The following RORA variants were observed in gnomAD, a reference collection of about 807,000 sequenced individuals.
The protein encoded by RORA is RAR related orphan receptor A.
RORA carries 7 observed loss-of-function variants against 69.5 expected under a neutral mutation model. That is an observed-to-expected ratio of 0.10 (90% CI 0.06 to 0.19). The LOEUF is 0.19. RORA is among the 10% of genes least tolerant of loss of function. RORA has a pLI of 1.00. For missense variants in RORA, 457 were observed against 663.0 expected (o/e 0.69, Z 3.41); for synonymous variants, 261 against 240.8 (o/e 1.08, Z -0.78).
chr15:60,951,985 C>A (rs1191931482), intron 1 of RORA, among the ~76,000 whole-genome samples: 3 of 147,542 alleles, frequency 2.0e-5, no homozygotes, highest in South Asian at 2.2e-4. Flanking sequence ...GAGACACAAC[C>A]AAAAAAGAGA....
intron 1 of RORA, among the ~76,000 whole-genome samples, chr15:60,816,108 A>G (rs1319245462): frequency 1.5e-5 from 2 of 134,790 alleles, no homozygotes; most frequent in African/African-American, 2.8e-5. Context: ...ATATGTATTT[A>G]TATACTGTAA....
chr15:60,618,978 C>A (rs552850857), intron 2 of RORA, among the ~76,000 whole-genome samples: 1 of 152,206 alleles, frequency 6.6e-6, no homozygotes, highest in Non-Finnish European at 1.5e-5. Context: ...TGTTCAAATG[C>A]AAACTTGACA....
At chr15:60,593,674 C>G (rs1371774585) in intron 2 of RORA, among the ~76,000 whole-genome samples, 2 of 152,194 alleles carry the variant, frequency 1.3e-5, no homozygotes, top group South Asian at 2.1e-4. Flanking sequence ...GAAAAAAATT[C>G]TGAAAAGCCA....
intron 1 of RORA, among the ~76,000 whole-genome samples, chr15:60,952,611 C>A (rs1011096697): frequency 7.2e-5 from 11 of 152,238 alleles, no homozygotes; most frequent in African/African-American, 1.9e-4. Flanking sequence ...TACAAAATCA[C>A]TGTACAAAAA....
At chr15:61,145,706 G>A (rs903629587) in intron 1 of RORA, among the ~76,000 whole-genome samples, 1 of 152,140 alleles carries the variant, frequency 6.6e-6, no homozygotes. Context: ...TTTCCTAAAA[G>A]AGAATTCAAA....
At chr15:60,981,346 A>AT (rs899943786) in intron 1 of RORA, among the ~76,000 whole-genome samples, 11 of 152,170 alleles carry the variant, frequency 7.2e-5, no homozygotes, top group Admixed American at 5.2e-4. Flanking sequence ...ATAGATTGAT[A>AT]TTTTTTATCA....
At position 60,754,555 on chromosome 15, in the gene RORA, T is replaced by G. The variant is rs185195350; in HGVS notation, c.167-75869A>C. Among the ~76,000 whole-genome samples, 13 of 152,294 alleles carry G rather than the reference T, an allele frequency of 8.5e-5. No homozygotes were observed. In the East Asian group the frequency reaches 2.5e-3, roughly 29 times the overall value. On this transcript the variant is annotated intron_variant, in intron 1 of 10. Coordinates refer to ENST00000335670, the MANE Select transcript of RORA (RefSeq NM_134261.3). The stretch of plus-strand genomic sequence containing the variant: ...TTAATTCCTTCCTAGTTCTTCTACC[T>G]GAAATGCTTGACCCCCAACTTTGAC...
At chr15:60,943,365 A>G (rs1313572241) in intron 1 of RORA, among the ~76,000 whole-genome samples, 1 of 151,532 alleles carries the variant, frequency 6.6e-6, no homozygotes, top group East Asian at 1.9e-4. Flanking sequence ...ATTCTATTCA[A>G]TCTTGTTCTG....
At chr15:61,110,269 A>ACTC (rs2078992000) in intron 1 of RORA, among the ~76,000 whole-genome samples, 1 of 152,018 alleles carries the variant, frequency 6.6e-6, no homozygotes, top group Non-Finnish European at 1.5e-5. Flanking sequence ...GGTGGTGCAC[A>ACTC]CCTGTAGTCC....
At chr15:60,672,817 C>T (rs548997294) in intron 2 of RORA, among the ~76,000 whole-genome samples, 3 of 152,338 alleles carry the variant, frequency 2.0e-5, no homozygotes, top group African/African-American at 7.2e-5. Context: ...AGGTGGTGTT[C>T]CTGCTATTGC....
intron 2 of RORA, among the ~76,000 whole-genome samples, chr15:60,633,238 C>T (rs772486671): frequency 1.3e-5 from 2 of 152,164 alleles, no homozygotes; most frequent in African/African-American, 4.8e-5. Flanking sequence ...AGCAGATAAC[C>T]ACAGAGCACC....
At chr15:60,845,378 G>A (rs2140407934) in intron 1 of RORA, among the ~76,000 whole-genome samples, 1 of 152,308 alleles carries the variant, frequency 6.6e-6, no homozygotes, top group East Asian at 1.9e-4. Flanking sequence ...CTGAAGCTCT[G>A]CTAATGCCTC....
At position 60,490,274 on chromosome 15, in the gene RORA, A is replaced by G. The variant is rs1365845983; in HGVS notation, c.*7181T>C. 1.3e-5 allele frequency: 2 copies of G among 152,042 alleles called. No individual in the cohort carries two copies. The highest frequency in any genetic ancestry group is 2.9e-5 in the Non-Finnish European group (2 of 67,970). The allele number at this position is 152,042 out of a possible 1,614,324, so 9.4% of individuals were successfully genotyped here. A position where few individuals can be genotyped will look rare whatever the true frequency, so the allele number is the denominator to read the frequency against. The stretch of plus-strand genomic sequence containing the variant: ...GATAATTTTTGTTGTTCACAAAAGT[A>G]ACTTGTCTAGCACCACACATCAGAA... On this transcript the variant is annotated 3_prime_UTR_variant, in exon 11 of 11. Coordinates refer to ENST00000335670, the MANE Select transcript of RORA (RefSeq NM_134261.3). The surrounding 1 kb of genome is among the most constrained non-coding windows in gnomAD (Gnocchi z 4.1).
At chr15:60,835,169 G>T (rs1055407288) in intron 1 of RORA, among the ~76,000 whole-genome samples, 1 of 152,294 alleles carries the variant, frequency 6.6e-6, no homozygotes, top group East Asian at 1.9e-4. Context: ...TTTGGCTGCT[G>T]TCTTGGCTGC....
At chr15:60,893,736 G>A (rs1219043402) in intron 1 of RORA, among the ~76,000 whole-genome samples, 1 of 152,110 alleles carries the variant, frequency 6.6e-6, no homozygotes, top group East Asian at 1.9e-4. Flanking sequence ...TGTGTACAAG[G>A]GAAAGGGCAG....
chr15:61,076,774 C>T (rs116065948), intron 1 of RORA, among the ~76,000 whole-genome samples: 1,914 of 152,242 alleles, frequency 0.013, 41 homozygotes, highest in African/African-American at 0.044. Context: ...TGCCATCAAC[C>T]GGATCTGACA....
At chr15:61,162,169 G>C (rs768470436) in intron 1 of RORA, among the ~76,000 whole-genome samples, 2 of 152,112 alleles carry the variant, frequency 1.3e-5, no homozygotes, top group African/African-American at 2.4e-5. Flanking sequence ...TGATATAGCT[G>C]TTATGATCTG....
At chr15:60,520,739 C>A (rs2066137203) in intron 3 of RORA, among the ~76,000 whole-genome samples, 1 of 152,078 alleles carries the variant, frequency 6.6e-6, no homozygotes, top group African/African-American at 2.4e-5. Context: ...AAAAAAAGTG[C>A]TGAAGTTGTG....
intron 1 of RORA, among the ~76,000 whole-genome samples, chr15:61,169,859 C>T (rs993308934): frequency 9.2e-5 from 14 of 152,058 alleles, no homozygotes; most frequent in African/African-American, 3.4e-4. Context: ...GTATGATGTT[C>T]CTTGGGCAGC....
Sources: allele counts gnomAD v4.1 joint callset (sites outside exome capture counted in the v4.1 genomes callset), GRCh38; gene constraint gnomAD v4.1.1; non-coding constraint Gnocchi (gnomAD v3.1); transcripts MANE v1.5; gene names NCBI Gene and HGNC (gene_info 2026-07-23, HGNC 2026-07-21).